Variants in ANK2 observed in about 807,000 individuals in gnomAD.
The protein encoded by ANK2 is ankyrin-2.
ANK2 carries 83 observed loss-of-function variants against 360.5 expected under a neutral mutation model. The ratio of observed to expected loss-of-function variants is 0.23; its 90% CI spans 0.19 to 0.28. The LOEUF (loss-of-function observed/expected upper bound fraction) is 0.28. Among genes scored for constraint, ANK2 ranks in the 10% least tolerant of loss-of-function variants. ANK2 has a pLI of 1.00. For missense variants in ANK2, 4,201 were observed against 4,795.7 expected, an observed-to-expected ratio of 0.88 and a Z score of 3.66; for synonymous variants, 1,740 against 1,759.5, an observed-to-expected ratio of 0.99 and a Z score of 0.28.
At chr4:112,904,276 T>G (rs2084458704) in intron 1 of ANK2, among the ~76,000 whole-genome samples, 1 of 152,218 alleles carries the variant, frequency 6.6e-6, no homozygotes, top group African/African-American at 2.4e-5. Flanking sequence ...TACTGAACTC[T>G]TGAAATGTTC....
intron 1 of ANK2, among the ~76,000 whole-genome samples, chr4:113,065,267 C>T (rs1008874928): frequency 3.3e-5 from 5 of 152,026 alleles, no homozygotes; most frequent in Non-Finnish European, 7.4e-5. Context: ...GAAATTTAAA[C>T]AAATACAGCA....
At chr4:112,707,808 C>T in the ANK2 span, among the ~76,000 whole-genome samples, 1 of 152,066 alleles carries the variant, frequency 6.6e-6, no homozygotes, top group African/African-American at 2.4e-5. Flanking sequence ...AATAGTTATA[C>T]AAAAAATGTG....
At chr4:112,876,753 A>G (rs947474465) in intron 1 of ANK2, among the ~76,000 whole-genome samples, 2 of 152,174 alleles carry the variant, frequency 1.3e-5, no homozygotes, top group Non-Finnish European at 1.5e-5. Flanking sequence ...AGTAATTTTT[A>G]TCATTGCAAG....
At chr4:113,270,301 C>T (rs1586721428) in intron 14 of ANK2, among the ~76,000 whole-genome samples, 1 of 152,070 alleles carries the variant, frequency 6.6e-6, no homozygotes, top group Admixed American at 6.5e-5. Flanking sequence ...TTTCATGTGT[C>T]TCTGCCAAAT....
intron 1 of ANK2, among the ~76,000 whole-genome samples, chr4:113,102,669 C>A (rs2093050456): frequency 6.6e-6 from 1 of 152,130 alleles, no homozygotes; most frequent in Non-Finnish European, 1.5e-5. Flanking sequence ...GGAAGAATGT[C>A]CAACTGTGAA....
chr4:113,208,536 T>C (rs979168772), intron 4 of ANK2, among the ~76,000 whole-genome samples: 1 of 145,510 alleles, frequency 6.9e-6, no homozygotes, highest in African/African-American at 2.4e-5. Flanking sequence ...GGAATCTCAC[T>C]CTGTCACCCA....
chr4:112,795,972 G>C, the ANK2 span, among the ~76,000 whole-genome samples: 11 of 150,804 alleles, frequency 7.3e-5, no homozygotes, highest in African/African-American at 2.4e-4. Flanking sequence ...GCTAATTTTT[G>C]TATTTTTTGT....
At chr4:113,158,110 G>A (rs949205503) in intron 1 of ANK2, among the ~76,000 whole-genome samples, 1 of 152,114 alleles carries the variant, frequency 6.6e-6, no homozygotes, top group East Asian at 1.9e-4. Context: ...TGACTTAAAA[G>A]AAAAAGCAAG....
chr4:112,755,395 C>T, the ANK2 span, among the ~76,000 whole-genome samples: 1 of 152,170 alleles, frequency 6.6e-6, no homozygotes, highest in Non-Finnish European at 1.5e-5. Flanking sequence ...GTGTGAGCAA[C>T]AAGGCTGTTT....
the ANK2 span, among the ~76,000 whole-genome samples, chr4:112,806,453 C>T: frequency 6.6e-6 from 1 of 152,196 alleles, no homozygotes; most frequent in South Asian, 2.1e-4. Context: ...CATTCATCCA[C>T]TGATGAATAC....
At chr4:113,129,501 G>T (rs1170607581) in intron 1 of ANK2, among the ~76,000 whole-genome samples, 1 of 152,112 alleles carries the variant, frequency 6.6e-6, no homozygotes, top group Non-Finnish European at 1.5e-5. Flanking sequence ...TTATTCTAAA[G>T]ATAAAATGGA....
At chr4:113,270,581 T>G (rs2058126835) in intron 14 of ANK2, among the ~76,000 whole-genome samples, 1 of 152,206 alleles carries the variant, frequency 6.6e-6, no homozygotes, top group Non-Finnish European at 1.5e-5. Context: ...TTTGTTTATT[T>G]TTTTTCTTTT....
intron 14 of ANK2, among the ~76,000 whole-genome samples, chr4:113,272,537 A>G (rs2058930469): frequency 6.6e-6 from 1 of 152,242 alleles, no homozygotes; most frequent in African/African-American, 2.4e-5. Context: ...TTTCTTTGCA[A>G]AATTTGCATG....
chr4:113,240,012 T>A (rs2038871219), intron 7 of ANK2, among the ~76,000 whole-genome samples: 1 of 152,202 alleles, frequency 6.6e-6, no homozygotes, highest in Non-Finnish European at 1.5e-5. Context: ...CAACATATTT[T>A]CATGCTTCCA....
intron 2 of ANK2, among the ~76,000 whole-genome samples, chr4:112,980,935 C>T (rs1406188050): frequency 6.6e-6 from 1 of 152,196 alleles, no homozygotes; most frequent in African/African-American, 2.4e-5. Flanking sequence ...CTTAATAACA[C>T]ATGAGGGCAG....
intron 9 of ANK2, among the ~76,000 whole-genome samples, chr4:113,243,162 T>C (rs1285687691): frequency 6.6e-6 from 1 of 152,198 alleles, no homozygotes; most frequent in East Asian, 1.9e-4. Context: ...CAGCAAAACT[T>C]CAAATGTGCC....
At chr4:113,280,682 A>G (rs553962869) in intron 17 of ANK2, among the ~76,000 whole-genome samples, 3 of 152,312 alleles carry the variant, frequency 2.0e-5, no homozygotes, top group African/African-American at 7.2e-5. Flanking sequence ...GAGTGCTGCA[A>G]TTATTTGAGT....
At chr4:113,253,652 A>G (rs2047700317) in intron 10 of ANK2, among the ~76,000 whole-genome samples, 1 of 152,056 alleles carries the variant, frequency 6.6e-6, no homozygotes, top group East Asian at 1.9e-4. Context: ...CTGTCACCAA[A>G]CACTGTCACC....
chr4:112,833,421 C>T (rs929625203), intron 1 of ANK2, among the ~76,000 whole-genome samples: 1 of 152,092 alleles, frequency 6.6e-6, no homozygotes, highest in Non-Finnish European at 1.5e-5. Flanking sequence ...TGACTACTCT[C>T]ATTTACACTT....
Sources: allele counts gnomAD v4.1 joint callset (sites outside exome capture counted in the v4.1 genomes callset), GRCh38; gene constraint gnomAD v4.1.1; transcripts MANE v1.5; gene names NCBI Gene and HGNC (gene_info 2026-07-23, HGNC 2026-07-21).